Variants in ANXA8 observed in about 807,000 individuals in gnomAD.
ANXA8 encodes the protein annexin A8.
Under a neutral mutation model 26.8 loss-of-function variants are expected in ANXA8, and 9 were observed. The ratio of observed to expected loss-of-function variants is 0.34; its 90% CI spans 0.20 to 0.59. The LOEUF (loss-of-function observed/expected upper bound fraction) is 0.59. Among genes scored for constraint, ANXA8 ranks in the 20% least tolerant of loss-of-function variants. The pLI is 0.84. For missense variants in ANXA8, 83 were observed against 238.5 expected (o/e 0.35, Z 4.29); for synonymous variants, 39 against 94.8 (o/e 0.41, Z 3.42).
At chr10:47,591,033 T>C in the ANXA8 span, among the ~76,000 whole-genome samples, 1 of 142,514 alleles carries the variant, frequency 7.0e-6, no homozygotes, top group Non-Finnish European at 1.5e-5. Flanking sequence ...ACTCAGGGCC[T>C]CTATTTAGGG....
chr10:47,488,172 G>A (rs1416376005), upstream of ANXA8, among the ~76,000 whole-genome samples: 13 of 131,650 alleles, frequency 9.9e-5, no homozygotes, highest in African/African-American at 3.8e-4. Context: ...CCAGGAGTGT[G>A]AGAAATAAAT....
At chr10:47,653,050 G>A in the ANXA8 span, among the ~76,000 whole-genome samples, 5 of 151,190 alleles carry the variant, frequency 3.3e-5, no homozygotes, top group East Asian at 7.8e-4. Context: ...AGTGGCTCAC[G>A]CCTATAATCC....
the ANXA8 span, among the ~76,000 whole-genome samples, chr10:47,938,709 C>T: frequency 6.8e-6 from 1 of 147,448 alleles, no homozygotes; most frequent in Admixed American, 6.7e-5. Flanking sequence ...TCTGGGCCTC[C>T]TCCTCCCTCC....
At chr10:47,488,713 A>ATTT (rs1160121365), upstream of ANXA8, among the ~76,000 whole-genome samples, 3,239 of 62,180 alleles carry the variant, frequency 0.052, 293 homozygotes, top group African/African-American at 0.065. Flanking sequence ...TACATGTTAA[A>ATTT]TTTTTTTTTT....
chr10:47,555,325 G>A, the ANXA8 span, among the ~76,000 whole-genome samples: 2 of 151,182 alleles, frequency 1.3e-5, no homozygotes, highest in African/African-American at 4.9e-5. Flanking sequence ...AGAGGGCCAT[G>A]GCTGGGTTCC....
chr10:47,944,460 A>G, the ANXA8 span, among the ~76,000 whole-genome samples: 1 of 149,872 alleles, frequency 6.7e-6, no homozygotes, highest in Admixed American at 6.6e-5. Context: ...GACTGTGCTG[A>G]AAGGGCCCAT....
chr10:47,520,972 A>T, the ANXA8 span, among the ~76,000 whole-genome samples: 1,342 of 91,396 alleles, frequency 0.015, no homozygotes, highest in African/African-American at 0.034. Flanking sequence ...AAAATATAAG[A>T]TGTATTCTAG....
the ANXA8 span, among the ~76,000 whole-genome samples, chr10:47,969,219 T>C: frequency 6.6e-6 from 1 of 151,470 alleles, no homozygotes; most frequent in African/African-American, 2.4e-5. Context: ...CTGTCACAGT[T>C]ACACCGACCT....
chr10:47,664,314 G>T, the ANXA8 span, among the ~76,000 whole-genome samples: 1 of 152,056 alleles, frequency 6.6e-6, no homozygotes, highest in Non-Finnish European at 1.5e-5. Context: ...AGAGGTGGAG[G>T]TTGCAGTGAG....
the ANXA8 span, among the ~76,000 whole-genome samples, chr10:47,971,205 G>C: frequency 6.6e-6 from 1 of 150,856 alleles, no homozygotes; most frequent in Non-Finnish European, 1.5e-5. Flanking sequence ...TTAAAGTGAG[G>C]TGTCCTGTGC....
chr10:47,951,148 G>A, the ANXA8 span, among the ~76,000 whole-genome samples: 1 of 149,432 alleles, frequency 6.7e-6, no homozygotes, highest in Non-Finnish European at 1.5e-5. Context: ...GAAATAATAT[G>A]GGGATATTAT....
chr10:47,589,945 A>ATAGATAGT, the ANXA8 span, among the ~76,000 whole-genome samples: 1 of 143,844 alleles, frequency 7.0e-6, no homozygotes, highest in Non-Finnish European at 1.5e-5. Flanking sequence ...AGATAGATAG[A>ATAGATAGT]TAGTTGCTGC....
the ANXA8 span, among the ~76,000 whole-genome samples, chr10:47,495,542 T>A: frequency 6.7e-5 from 10 of 149,582 alleles, no homozygotes; most frequent in South Asian, 4.2e-4. Context: ...TGCCTCGGCC[T>A]CCCAAAGGGC....
At chr10:47,656,047 G>T in the ANXA8 span, among the ~76,000 whole-genome samples, 1 of 151,656 alleles carries the variant, frequency 6.6e-6, no homozygotes, top group South Asian at 2.1e-4. Flanking sequence ...TTGCTCAAAG[G>T]CAGGTGGTAG....
chr10:47,510,009 C>T, the ANXA8 span, among the ~76,000 whole-genome samples: 20 of 142,020 alleles, frequency 1.4e-4, 2 homozygotes, highest in Non-Finnish European at 4.6e-5. Flanking sequence ...TCCACCACGA[C>T]GTCTAAGATT....
the ANXA8 span, chr10:47,985,848 T>C: frequency 6.7e-6 from 1 of 149,350 alleles, no homozygotes; most frequent in African/African-American, 2.4e-5. Context: ...ATGTTTATTC[T>C]TTCATACCTG....
At chr10:47,721,010 G>A in the ANXA8 span, among the ~76,000 whole-genome samples, 1 of 139,172 alleles carries the variant, frequency 7.2e-6, no homozygotes, top group Non-Finnish European at 1.6e-5. Flanking sequence ...AGCTGGGCAT[G>A]GTGACATAGG....
chr10:47,971,367 T>A, the ANXA8 span, among the ~76,000 whole-genome samples: 1 of 150,976 alleles, frequency 6.6e-6, no homozygotes, highest in Non-Finnish European at 1.5e-5. Flanking sequence ...ATCGTGCCCC[T>A]TTTTTCCAAC....
chr10:47,973,086 A>C, the ANXA8 span: 1 of 103,106 alleles, frequency 9.7e-6, no homozygotes, highest in South Asian at 3.6e-4. Flanking sequence ...GTGGACGTGC[A>C]CACACACACA....
Sources: gnomAD v4.1 joint callset for allele counts (sites outside exome capture counted in the v4.1 genomes callset) on GRCh38, gnomAD v4.1.1 for gene constraint, MANE v1.5 for transcripts, NCBI Gene and HGNC (gene_info 2026-07-23, HGNC 2026-07-21) for gene names.